The following CEMIP variants were observed in gnomAD, a reference collection of about 807,000 sequenced individuals.
The protein encoded by CEMIP is cell migration-inducing and hyaluronan-binding protein.
CEMIP carries 105 observed loss-of-function variants against 156.9 expected under a neutral mutation model. That is an observed-to-expected ratio of 0.67 (90% CI 0.57 to 0.79). The LOEUF is 0.79. Among genes scored for constraint, CEMIP ranks in the 30% least tolerant of loss-of-function variants. CEMIP has a pLI of 0.00. For synonymous variants in CEMIP, 676 were observed against 668.4 expected (o/e 1.01, Z -0.17); for missense variants, 1,457 against 1,769.4 (o/e 0.82, Z 3.17).
At chr15:80,889,348 G>C in intron 9 of CEMIP, 123 bp from the exon 10 acceptor site, 1 of 1,397,672 alleles carries the variant, frequency 7.2e-7, no homozygotes, top group Non-Finnish European at 1.0e-6. Flanking sequence ...CCCCAGCCTG[G>C]TGCAACCATG....
rs555741241 is a variant in CEMIP at position 80,904,627 on chromosome 15, C to T, written c.1412-2036C>T. Among the ~76,000 whole-genome samples, 13 of 152,134 alleles carry T rather than the reference C, an allele frequency of 8.5e-5. No individual in the cohort carries two copies. In the East Asian group the frequency reaches 1.4e-3, roughly 16 times the overall value. On this transcript the variant is annotated intron_variant, in intron 12 of 29. Coordinates refer to ENST00000394685, the MANE Select transcript of CEMIP (RefSeq NM_001293298.2). The stretch of plus-strand genomic sequence containing the variant: ...GAAGGTCAGAGTCAGAAGAAAGTGA[C>T]GTGATGACAGGGGCAGCGACTGGAG...
At chr15:80,793,323 C>T (rs548278202) in intron 1 of CEMIP, among the ~76,000 whole-genome samples, 21 of 152,282 alleles carry the variant, frequency 1.4e-4, no homozygotes, top group Non-Finnish European at 2.2e-4. Flanking sequence ...GTTAGACCAA[C>T]GCCCTCAAAG....
intron 1 of CEMIP, among the ~76,000 whole-genome samples, chr15:80,823,989 G>A (rs1026842223): frequency 6.6e-6 from 1 of 152,178 alleles, no homozygotes; most frequent in Non-Finnish European, 1.5e-5. Flanking sequence ...CCCCAGCACA[G>A]CATCAAGAAG....
At chr15:80,856,774 A>G (rs958854146) in intron 1 of CEMIP, among the ~76,000 whole-genome samples, 9 of 152,152 alleles carry the variant, frequency 5.9e-5, no homozygotes, top group Non-Finnish European at 1.2e-4. Context: ...ACTAGAACCT[A>G]GGACTCCCTG....
intron 1 of CEMIP, among the ~76,000 whole-genome samples, chr15:80,846,315 G>A (rs772997967): frequency 6.6e-6 from 1 of 152,126 alleles, no homozygotes; most frequent in African/African-American, 2.4e-5. Flanking sequence ...CTCTTCCCCC[G>A]TCTCTCTCTG....
chr15:80,863,019 T>G (rs1331529676), intron 1 of CEMIP, among the ~76,000 whole-genome samples: 1 of 152,106 alleles, frequency 6.6e-6, no homozygotes, highest in Non-Finnish European at 1.5e-5. Context: ...CGCTGCAGCC[T>G]CCAGTCACTC....
At chr15:80,900,585 G>GGGGTGTGTGTGTGTGT (rs1218716074) in intron 12 of CEMIP, among the ~76,000 whole-genome samples, 1 of 74,932 alleles carries the variant, frequency 1.3e-5, no homozygotes, top group Non-Finnish European at 2.5e-5. Flanking sequence ...CCCAGGTAGG[G>GGGGTGTGTGTGTGTGT]GTGTGTGTGT....
At chr15:80,837,891 G>T (rs2141695944) in intron 1 of CEMIP, among the ~76,000 whole-genome samples, 1 of 152,302 alleles carries the variant, frequency 6.6e-6, no homozygotes, top group African/African-American at 2.4e-5. Flanking sequence ...ACAGACTGGG[G>T]TCTCTCATTG....
intron 1 of CEMIP, among the ~76,000 whole-genome samples, chr15:80,833,367 G>A (rs1341202318): frequency 2.0e-5 from 3 of 151,828 alleles, no homozygotes; most frequent in Non-Finnish European, 4.4e-5. Context: ...GCCACTCTAG[G>A]CTTTCCATAT....
chr15:80,900,875 G>A (rs1899500664), intron 12 of CEMIP: 2 of 451,586 alleles, frequency 4.4e-6, no homozygotes, highest in South Asian at 1.6e-5. Context: ...CAGGCTGGCT[G>A]CAGACACGGA....
intron 25 of CEMIP, among the ~76,000 whole-genome samples, chr15:80,940,951 CTT>C (rs987711762): frequency 1.3e-4 from 20 of 152,360 alleles, no homozygotes; most frequent in African/African-American, 4.8e-4. Context: ...TCCATGTGGT[CTT>C]TTAGTTCAAG....
intron 1 of CEMIP, among the ~76,000 whole-genome samples, chr15:80,840,869 C>T (rs1358055752): frequency 6.6e-6 from 1 of 152,206 alleles, no homozygotes; most frequent in Non-Finnish European, 1.5e-5. Context: ...AAGAAATAGG[C>T]AGGCTTGGAG....
rs1029831980 is a variant in CEMIP, at chr15:80,951,091, G to C, written c.*2167G>C. ...GGAAGGACTTCTTCCAGGGAGATTA[G>C]TGGTGATGGAGAGGAGAGTTAAAAT... is the stretch of plus-strand genomic sequence containing the variant. On this transcript the variant is annotated 3_prime_UTR_variant, in exon 30 of 30. Transcript: ENST00000394685. 6.5e-6 allele frequency: 1 copy of C among 152,808 alleles called. No homozygotes were observed. Among genetic ancestry groups the C allele is most frequent in the African/African-American group, 2.4e-5 (1 of 41,586 alleles). The allele number at this position is 152,808 out of a possible 1,614,324, so 9.5% of individuals were successfully genotyped here. A position where few individuals can be genotyped will look rare whatever the true frequency, so the allele number is the denominator to read the frequency against.
intron 4 of CEMIP, 46 bp downstream of exon 4, chr15:80,878,913 A>C: frequency 6.2e-7 from 1 of 1,611,150 alleles, no homozygotes; most frequent in African/African-American, 1.3e-5. Context: ...CCACTGCCCC[A>C]GAGCTTAGCA....
chr15:80,889,640 A>G lies in CEMIP; in HGVS notation c.1086+48A>G, dbSNP rs778882111. 3 of 1,608,418 alleles carry G rather than the reference A, an allele frequency of 1.9e-6. No homozygotes were observed. In the East Asian group the frequency reaches 6.7e-5, roughly 36 times the overall value. On this transcript the variant is annotated intron_variant, in intron 10 of 29. Coordinates refer to ENST00000394685, the MANE Select transcript of CEMIP (RefSeq NM_001293298.2). ...AGAAAATAGAAATGTGTTGTTTTGA[A>G]GAAGACTCTATAGATCACAGACATT...
intron 1 of CEMIP, among the ~76,000 whole-genome samples, chr15:80,849,093 G>T (rs1413266638): frequency 6.9e-6 from 1 of 145,530 alleles, no homozygotes; most frequent in African/African-American, 2.6e-5. Context: ...CCAGGTTAAA[G>T]TGATCCTCCC....
intron 28 of CEMIP, among the ~76,000 whole-genome samples, chr15:80,944,282 A>AAAAAT: frequency 6.6e-6 from 1 of 152,324 alleles, no homozygotes; most frequent in South Asian, 2.1e-4. Flanking sequence ...TCCGTCTCAA[A>AAAAAT]AAAATAAAAA....
intron 15 of CEMIP, among the ~76,000 whole-genome samples, chr15:80,920,783 C>T (rs562500381): frequency 6.6e-6 from 1 of 152,372 alleles, no homozygotes; most frequent in African/African-American, 2.4e-5. Flanking sequence ...CAATCTCAGA[C>T]ATCACTTGCA....
intron 1 of CEMIP, among the ~76,000 whole-genome samples, chr15:80,800,262 G>A (rs1433968231): frequency 6.6e-6 from 1 of 151,994 alleles, no homozygotes; most frequent in African/African-American, 2.4e-5. Flanking sequence ...CATTCTTATA[G>A]CCCATGTGAG....
Sources: gnomAD v4.1 joint callset for allele counts (sites outside exome capture counted in the v4.1 genomes callset) on GRCh38, gnomAD v4.1.1 for gene constraint, MANE v1.5 for transcripts, NCBI Gene and HGNC (gene_info 2026-07-23, HGNC 2026-07-21) for gene names.